The following NCOA2 variants were observed in gnomAD, a reference collection of about 807,000 sequenced individuals.
NCOA2 encodes nuclear receptor coactivator 2, also known as class E basic helix-loop-helix protein 75.
NCOA2 carries 21 observed loss-of-function variants against 145.1 expected under a neutral mutation model. The ratio of observed to expected loss-of-function variants is 0.14; its 90% CI spans 0.10 to 0.21. The LOEUF (loss-of-function observed/expected upper bound fraction) is 0.21, where lower values mean the gene tolerates loss of function less well. Ranked by LOEUF, NCOA2 falls within the 10% of genes least tolerant of loss-of-function variation. The pLI, the probability that NCOA2 is intolerant of heterozygous loss-of-function variation, is 1.00. For missense variants in NCOA2, 1,472 were observed against 1,837.6 expected (o/e 0.80, Z 3.64); for synonymous variants, 619 against 637.5 (o/e 0.97, Z 0.44).
intron 1 of NCOA2, among the ~76,000 whole-genome samples, chr8:70,356,469 A>C (rs1441437433): frequency 6.6e-6 from 1 of 152,236 alleles, no homozygotes; most frequent in African/African-American, 2.4e-5. Flanking sequence ...ACAAATTGTT[A>C]CAGAAACTAC....
At chr8:70,226,136 T>A (rs1820614264) in intron 2 of NCOA2, among the ~76,000 whole-genome samples, 1 of 152,102 alleles carries the variant, frequency 6.6e-6, no homozygotes, top group Non-Finnish European at 1.5e-5. Flanking sequence ...AACAGAAAAG[T>A]TATCAAAATA....
chr8:70,155,627 C>T (rs573634593), intron 11 of NCOA2, among the ~76,000 whole-genome samples: 51 of 152,258 alleles, frequency 3.3e-4, no homozygotes, highest in South Asian at 1.0e-3. Context: ...AATGTTTTAT[C>T]GGAGCAAAGT....
chr8:70,397,448 G>A (rs1586682940), intron 1 of NCOA2, among the ~76,000 whole-genome samples: 2 of 138,746 alleles, frequency 1.4e-5, no homozygotes, highest in South Asian at 4.8e-4. Flanking sequence ...GTGAGACCCT[G>A]TCTCAAAAAA....
rs559011432 is a variant in NCOA2, at chr8:70,403,538, C to A, written c.-77+162G>T. 3.8e-3 allele frequency among the ~76,000 whole-genome samples: 581 copies of A among 151,390 alleles called. 9 individuals are homozygous for A. The highest frequency in any genetic ancestry group is 0.013 in the African/African-American group (558 of 41,444). On this transcript the variant is annotated intron_variant, in intron 1 of 22. Coordinates refer to ENST00000452400, the MANE Select transcript of NCOA2 (RefSeq NM_006540.4). Reference sequence around the variant, plus strand: ...TGCAACTCCCGTTTTCCGCGCACTCCGGCGGCGGTCCCCGCACACAAAAAC... The same window carrying A: ...TGCAACTCCCGTTTTCCGCGCACTCAGGCGGCGGTCCCCGCACACAAAAAC...
intron 1 of NCOA2, among the ~76,000 whole-genome samples, chr8:70,391,621 A>T (rs937553736): frequency 1.3e-5 from 2 of 152,224 alleles, no homozygotes; most frequent in Admixed American, 6.5e-5. Context: ...AGTTCTGGAG[A>T]AACTGAAGTC....
At chr8:70,274,298 T>C (rs1412702385) in intron 2 of NCOA2, among the ~76,000 whole-genome samples, 2 of 152,296 alleles carry the variant, frequency 1.3e-5, no homozygotes, top group African/African-American at 2.4e-5. Context: ...GGTGGTTCTC[T>C]GATACATATG....
intron 1 of NCOA2, among the ~76,000 whole-genome samples, chr8:70,333,081 G>A (rs929652786): frequency 6.6e-6 from 1 of 152,152 alleles, no homozygotes; most frequent in Non-Finnish European, 1.5e-5. Context: ...TCAAACTTAT[G>A]ATTTCATTTT....
At chr8:70,122,809 A>T (rs548684251) in intron 21 of NCOA2, among the ~76,000 whole-genome samples, 1 of 152,338 alleles carries the variant, frequency 6.6e-6, no homozygotes, top group Admixed American at 6.5e-5. Context: ...ATCTAATCAA[A>T]CTCTTCAATC....
intron 22 of NCOA2, among the ~76,000 whole-genome samples, chr8:70,118,823 G>A (rs1458763789): frequency 2.6e-5 from 4 of 151,508 alleles, no homozygotes; most frequent in South Asian, 4.2e-4. Flanking sequence ...CGAGTAGCTG[G>A]GACTACAGGC....
intron 1 of NCOA2, among the ~76,000 whole-genome samples, chr8:70,355,934 T>C (rs773261321): frequency 2.0e-5 from 3 of 152,216 alleles, no homozygotes; most frequent in Non-Finnish European, 4.4e-5. Context: ...TCTAATAATA[T>C]AAAGTTTTAT....
chr8:70,129,801 G>T (rs1808881649), intron 16 of NCOA2, among the ~76,000 whole-genome samples: 1 of 152,134 alleles, frequency 6.6e-6, no homozygotes, highest in South Asian at 2.1e-4. Context: ...CTCCCAAGTA[G>T]CTGGGATCAC....
chr8:70,181,775 C>T (rs901120344), intron 4 of NCOA2, among the ~76,000 whole-genome samples: 6 of 152,172 alleles, frequency 3.9e-5, no homozygotes, highest in Non-Finnish European at 7.4e-5. Flanking sequence ...TTTGAAGATT[C>T]TAATGGGAAA....
chr8:70,132,589 G>A (rs1172174789), intron 15 of NCOA2, among the ~76,000 whole-genome samples: 4 of 152,174 alleles, frequency 2.6e-5, no homozygotes, highest in Admixed American at 2.6e-4. Context: ...CTCTGAGACA[G>A]GGTCTCACTT....
chr8:70,399,143 T>C (rs188487488), intron 1 of NCOA2, among the ~76,000 whole-genome samples: 1 of 152,360 alleles, frequency 6.6e-6, no homozygotes, highest in African/African-American at 2.4e-5. Flanking sequence ...ATTGAAGGTC[T>C]GCAACATTAA....
chr8:70,399,235 A>G (rs1243265732), intron 1 of NCOA2, among the ~76,000 whole-genome samples: 4 of 152,224 alleles, frequency 2.6e-5, no homozygotes, highest in African/African-American at 9.6e-5. Flanking sequence ...ACAGCTTGCA[A>G]TTCATAAAGC....
the NCOA2 span, among the ~76,000 whole-genome samples, chr8:70,409,737 G>A: frequency 1.3e-5 from 2 of 152,100 alleles, no homozygotes; most frequent in African/African-American, 2.4e-5. Context: ...AGGTGTGGTG[G>A]CACACACCTG....
chr8:70,115,136 GTATT>G (rs541399120), intron 22 of NCOA2, among the ~76,000 whole-genome samples: 13 of 151,982 alleles, frequency 8.6e-5, no homozygotes, highest in East Asian at 3.9e-4. Context: ...CTACTGAGAA[GTATT>G]TATTTATTTA....
chr8:70,380,395 ACT>A (rs1812077017), intron 1 of NCOA2, among the ~76,000 whole-genome samples: 1 of 152,106 alleles, frequency 6.6e-6, no homozygotes. Flanking sequence ...ACACTCACTC[ACT>A]CACACACACA....
intron 1 of NCOA2, among the ~76,000 whole-genome samples, chr8:70,403,472 C>T (rs1465116217): frequency 4.0e-5 from 6 of 151,490 alleles, no homozygotes; most frequent in African/African-American, 1.5e-4. Flanking sequence ...GCCCTCCCCA[C>T]CCCCAAGCCC....
Sources: allele counts gnomAD v4.1 joint callset (sites outside exome capture counted in the v4.1 genomes callset), GRCh38; gene constraint gnomAD v4.1.1; transcripts MANE v1.5; gene names NCBI Gene and HGNC (gene_info 2026-07-23, HGNC 2026-07-21).